Variants in MYO1D observed in about 807,000 individuals in gnomAD.
MYO1D encodes the protein unconventional myosin-Id.
MYO1D carries 83 observed loss-of-function variants against 122.0 expected under a neutral mutation model. The observed-to-expected ratio is 0.68, with a 90% CI of 0.57 to 0.82. The LOEUF is 0.82. MYO1D is among the 40% of genes least tolerant of loss of function. MYO1D has a pLI of 0.00. For missense variants in MYO1D, 1,157 were observed against 1,269.5 expected, an observed-to-expected ratio of 0.91 and a Z score of 1.35; for synonymous variants, 464 against 446.9, an observed-to-expected ratio of 1.04 and a Z score of -0.48.
At chr17:32,606,318 T>C (rs1477271080) in intron 20 of MYO1D, among the ~76,000 whole-genome samples, 3 of 152,058 alleles carry the variant, frequency 2.0e-5, no homozygotes, top group Admixed American at 1.3e-4. Context: ...TTCTAGAAAA[T>C]AGGAGAGAAG....
intron 21 of MYO1D, among the ~76,000 whole-genome samples, chr17:32,565,287 A>C (rs2087162149): frequency 6.6e-6 from 1 of 152,024 alleles, no homozygotes; most frequent in South Asian, 2.1e-4. Context: ...TATAGGCGTG[A>C]GCCACCACAC....
At chr17:32,786,306 A>G (rs1020367935) in intron 1 of MYO1D, among the ~76,000 whole-genome samples, 1 of 152,218 alleles carries the variant, frequency 6.6e-6, no homozygotes, top group African/African-American at 2.4e-5. Context: ...AAAGAGAAAA[A>G]GTGCAGTGGC....
chr17:32,589,627 A>T (rs1051687616), intron 21 of MYO1D, among the ~76,000 whole-genome samples: 1 of 152,120 alleles, frequency 6.6e-6, no homozygotes, highest in African/African-American at 2.4e-5. Flanking sequence ...TCAATTTAAC[A>T]TTTCCGTCAT....
At chr17:32,749,823 C>CA (rs1193797683) in intron 11 of MYO1D, among the ~76,000 whole-genome samples, 1 of 152,120 alleles carries the variant, frequency 6.6e-6, no homozygotes, top group Non-Finnish European at 1.5e-5. Context: ...TAAGGAGGAC[C>CA]ATACTGAAGG....
At chr17:32,866,569 G>T (rs746190494) in intron 1 of MYO1D, among the ~76,000 whole-genome samples, 4 of 152,236 alleles carry the variant, frequency 2.6e-5, no homozygotes, top group Non-Finnish European at 5.9e-5. Flanking sequence ...GCATGAGAAA[G>T]AAATTAACCA....
chr17:32,780,477 A>T, intron 2 of MYO1D, 99 bp downstream of exon 2: 1 of 1,264,324 alleles, frequency 7.9e-7, no homozygotes, highest in Non-Finnish European at 1.1e-6. Context: ...TCAGGCTTCT[A>T]CCTTTAAAAA....
chr17:32,525,902 G>T (rs1226076849), intron 21 of MYO1D, among the ~76,000 whole-genome samples: 1 of 152,282 alleles, frequency 6.6e-6, no homozygotes, highest in Non-Finnish European at 1.5e-5. Flanking sequence ...CTTCTCGCTA[G>T]GTCATTCAGC....
chr17:32,530,315 G>A (rs1910469332), intron 21 of MYO1D, among the ~76,000 whole-genome samples: 3 of 152,146 alleles, frequency 2.0e-5, no homozygotes, highest in Non-Finnish European at 1.5e-5. Context: ...GATAATGTAC[G>A]TGAAAGCCCT....
chr17:32,643,948 C>A (rs1185568275), intron 19 of MYO1D, among the ~76,000 whole-genome samples: 1 of 151,990 alleles, frequency 6.6e-6, no homozygotes, highest in Non-Finnish European at 1.5e-5. Flanking sequence ...TATTTCTTGC[C>A]TTCTGCTAGC....
At chr17:32,610,365 G>A (rs2087685235) in intron 20 of MYO1D, among the ~76,000 whole-genome samples, 1 of 152,112 alleles carries the variant, frequency 6.6e-6, no homozygotes. Flanking sequence ...AAGAAATGAG[G>A]GAAAACAGTA....
intron 16 of MYO1D, among the ~76,000 whole-genome samples, chr17:32,674,602 T>C (rs2088778014): frequency 6.6e-6 from 1 of 152,180 alleles, no homozygotes. Flanking sequence ...TAATTCACCA[T>C]AAAAAGCAGA....
chr17:32,541,140 A>G (rs1251076702), intron 21 of MYO1D, among the ~76,000 whole-genome samples: 1 of 152,230 alleles, frequency 6.6e-6, no homozygotes, highest in Non-Finnish European at 1.5e-5. Context: ...CACAAGTTCA[A>G]AGCAGCATTA....
At chr17:32,631,712 A>C (rs976503813) in intron 20 of MYO1D, among the ~76,000 whole-genome samples, 1 of 152,118 alleles carries the variant, frequency 6.6e-6, no homozygotes, top group South Asian at 2.1e-4. Context: ...ATTAGATGAT[A>C]TTATGGAAAT....
chr17:32,850,002 TG>T (rs1360569688), intron 1 of MYO1D, among the ~76,000 whole-genome samples: 1 of 150,726 alleles, frequency 6.6e-6, no homozygotes, highest in Non-Finnish European at 1.5e-5. Context: ...CTCACTAATT[TG>T]CCTGTGTTTT....
chr17:32,592,509 T>G (rs748531147), intron 21 of MYO1D, among the ~76,000 whole-genome samples: 12 of 152,230 alleles, frequency 7.9e-5, no homozygotes, highest in South Asian at 2.1e-4. Flanking sequence ...TTTTTACAAT[T>G]AACTCTTTAG....
intron 19 of MYO1D, among the ~76,000 whole-genome samples, chr17:32,644,294 T>C (rs1055057589): frequency 1.3e-5 from 2 of 152,350 alleles, no homozygotes; most frequent in Admixed American, 6.5e-5. Context: ...TGTTATAATT[T>C]CTGTTCTTTT....
chr17:32,732,979 G>A (rs963193967), intron 14 of MYO1D, among the ~76,000 whole-genome samples: 9 of 152,316 alleles, frequency 5.9e-5, no homozygotes, highest in Non-Finnish European at 1.0e-4. Flanking sequence ...TGGTCCAGCC[G>A]CAGCCTCACA....
chr17:32,593,794 G>A (rs1172100805), intron 21 of MYO1D, among the ~76,000 whole-genome samples: 3 of 152,138 alleles, frequency 2.0e-5, no homozygotes, highest in African/African-American at 7.2e-5. Flanking sequence ...AAAATTAGCC[G>A]GGCGTGGTGG....
At chr17:32,802,784 T>C (rs1233536894) in intron 1 of MYO1D, among the ~76,000 whole-genome samples, 3 of 152,190 alleles carry the variant, frequency 2.0e-5, no homozygotes, top group Non-Finnish European at 4.4e-5. Context: ...TTATACAGAT[T>C]ATAATAATCT....
Sources: allele counts gnomAD v4.1 joint callset (sites outside exome capture counted in the v4.1 genomes callset), GRCh38; gene constraint gnomAD v4.1.1; transcripts MANE v1.5; gene names NCBI Gene and HGNC (gene_info 2026-07-23, HGNC 2026-07-21).